The following FARP1 variants were observed in gnomAD, a reference collection of about 807,000 sequenced individuals.
FARP1 encodes FERM, ARH/RhoGEF and pleckstrin domain protein 1.
In FARP1, 52 loss-of-function variants were observed where a neutral mutation model predicts 128.8. That is an observed-to-expected ratio of 0.40 (90% confidence interval 0.32 to 0.51). The LOEUF (loss-of-function observed/expected upper bound fraction) is 0.51, where lower values mean the gene tolerates loss of function less well. Among genes scored for constraint, FARP1 ranks in the 20% least tolerant of loss-of-function variants. The pLI is 0.45. For synonymous variants in FARP1, 580 were observed against 551.8 expected (o/e 1.05, Z -0.72); for missense variants, 1,333 against 1,367.9 (o/e 0.97, Z 0.40).
At chr13:98,443,659 G>A (rs191079955) in intron 24 of FARP1, among the ~76,000 whole-genome samples, 4 of 152,356 alleles carry the variant, frequency 2.6e-5, no homozygotes, top group Non-Finnish European at 5.9e-5. Context: ...TGGGCAAGCC[G>A]GCAGGCCTGG....
At chr13:98,295,549 A>T (rs1403653538) in intron 2 of FARP1, among the ~76,000 whole-genome samples, 1 of 152,184 alleles carries the variant, frequency 6.6e-6, no homozygotes, top group African/African-American at 2.4e-5. Flanking sequence ...ATAACCTCCC[A>T]GTCCCCCTCT....
chr13:98,395,586 G>GTCCCGA (rs1471782746), intron 13 of FARP1, 110 bp downstream of exon 13: 1 of 1,322,816 alleles, frequency 7.6e-7, no homozygotes, highest in Non-Finnish European at 1.0e-6. Context: ...CCCGATCCCG[G>GTCCCGA]TCCCGATCCC....
At chr13:98,356,994 A>G (rs1179035745) in intron 3 of FARP1, among the ~76,000 whole-genome samples, 2 of 152,158 alleles carry the variant, frequency 1.3e-5, no homozygotes, top group East Asian at 3.8e-4. Flanking sequence ...GCATTGCCCA[A>G]CACTAATATA....
intron 1 of FARP1, among the ~76,000 whole-genome samples, chr13:98,211,360 G>A (rs184352079): frequency 6.6e-6 from 1 of 152,316 alleles, no homozygotes; most frequent in East Asian, 1.9e-4. Context: ...GCATGCGAGG[G>A]ATCTAGATTG....
chr13:98,424,297 G>A (rs940879310), intron 16 of FARP1, among the ~76,000 whole-genome samples: 3 of 152,202 alleles, frequency 2.0e-5, no homozygotes, highest in Non-Finnish European at 4.4e-5. Flanking sequence ...ACTCCAGTGT[G>A]CAGATGGGTA....
chr13:98,332,444 C>T (rs563922307), intron 2 of FARP1: 1 of 152,240 alleles, frequency 6.6e-6, no homozygotes, highest in East Asian at 1.9e-4. Context: ...GAAGCTCACC[C>T]CCACCCCCAC....
intron 2 of FARP1, chr13:98,340,650 A>G (rs1887929326): frequency 6.6e-6 from 1 of 152,072 alleles, no homozygotes; most frequent in African/African-American, 2.4e-5. Flanking sequence ...CCGGCCTATA[A>G]TGTTCTTATT....
chr13:98,204,693 G>T (rs1368642166), intron 1 of FARP1, among the ~76,000 whole-genome samples: 1 of 152,176 alleles, frequency 6.6e-6, no homozygotes, highest in Non-Finnish European at 1.5e-5. Context: ...GCATGTGGTG[G>T]CTTATGCCTG....
intron 2 of FARP1, among the ~76,000 whole-genome samples, chr13:98,222,265 A>G (rs1265017572): frequency 6.6e-6 from 1 of 152,244 alleles, no homozygotes; most frequent in Non-Finnish European, 1.5e-5. Context: ...ATGTGTATCA[A>G]CATGGAAGGC....
chr13:98,197,302 A>G (rs939991789), intron 1 of FARP1, among the ~76,000 whole-genome samples: 2 of 152,242 alleles, frequency 1.3e-5, no homozygotes, highest in Admixed American at 1.3e-4. Context: ...CCCCGTCTCT[A>G]CTAAAAATAC....
intron 1 of FARP1, among the ~76,000 whole-genome samples, chr13:98,211,776 C>T (rs758346154): frequency 1.1e-4 from 17 of 152,346 alleles, no homozygotes; most frequent in Middle Eastern, 3.4e-3. Context: ...CTGGAAATCT[C>T]GTTCCCTTAT....
chr13:98,233,163 C>A (rs1882226146), intron 2 of FARP1, among the ~76,000 whole-genome samples: 1 of 152,178 alleles, frequency 6.6e-6, no homozygotes, highest in Admixed American at 6.5e-5. Context: ...TCTGTTAAAA[C>A]AAAGGTGTTG....
intron 6 of FARP1, chr13:98,381,777 T>C (rs1889895533): frequency 6.6e-6 from 1 of 152,178 alleles, no homozygotes; most frequent in Non-Finnish European, 1.5e-5. Flanking sequence ...GTTTTTCCTA[T>C]TAATTACTTT....
At chr13:98,421,306 G>A (rs112442246) in intron 16 of FARP1, among the ~76,000 whole-genome samples, 2,913 of 152,190 alleles carry the variant, frequency 0.019, 102 homozygotes, top group African/African-American at 0.066. Flanking sequence ...GATGACATTT[G>A]GCTTCCATCT....
At chr13:98,179,876 A>AAACAT (rs1297381656) in intron 1 of FARP1, among the ~76,000 whole-genome samples, 3 of 151,874 alleles carry the variant, frequency 2.0e-5, no homozygotes, top group African/African-American at 7.3e-5. Context: ...AAACAAAACA[A>AAACAT]AACAAAAAAC....
At chr13:98,228,323 G>A (rs1881913206) in intron 2 of FARP1, among the ~76,000 whole-genome samples, 1 of 152,188 alleles carries the variant, frequency 6.6e-6, no homozygotes, top group South Asian at 2.1e-4. Context: ...TCGTGCCATT[G>A]CACTTCAGCC....
At position 98,235,821 on chromosome 13, in the gene FARP1, CT is replaced by C. The variant is rs546997027; in HGVS notation, c.171+22423del. 4.0e-3 allele frequency among the ~76,000 whole-genome samples: 543 copies of C among 136,970 alleles called. 1 individual carries two copies. Among genetic ancestry groups the C allele is most frequent in the African/African-American group, 9.7e-3 (349 of 36,074 alleles). The allele number at this position is 136,970 out of a possible 152,430, so 89.9% of individuals were successfully genotyped here. On this transcript the variant is annotated intron_variant, in intron 2 of 26. Transcript: ENST00000319562. Reference sequence around the variant, plus strand: ...CATAAACCGTACAATTCACCTCTGTCTTTTTTTTTTTTTTTCCCTGAGACAG... The same window carrying C: ...CATAAACCGTACAATTCACCTCTGTCTTTTTTTTTTTTTTCCCTGAGACAG...
chr13:98,144,575 CCT>C (rs1322858209), intron 1 of FARP1, among the ~76,000 whole-genome samples: 1 of 152,194 alleles, frequency 6.6e-6, no homozygotes, highest in Admixed American at 6.5e-5. Flanking sequence ...CCCGGGGGCC[CCT>C]CTCCTTCCAG....
intron 17 of FARP1, among the ~76,000 whole-genome samples, chr13:98,424,908 T>C (rs1481946013): frequency 6.6e-6 from 1 of 151,790 alleles, no homozygotes; most frequent in Non-Finnish European, 1.5e-5. Context: ...TTTTTTTTCT[T>C]TGCTCATCAG....
Sources: gnomAD v4.1 joint callset for allele counts (sites outside exome capture counted in the v4.1 genomes callset) on GRCh38, gnomAD v4.1.1 for gene constraint, MANE v1.5 for transcripts, NCBI Gene and HGNC (gene_info 2026-07-23, HGNC 2026-07-21) for gene names.